OR3A2: variants seen among roughly 807,000 people sequenced by gnomAD.
The protein encoded by OR3A2 is olfactory receptor 3A2.
For missense variants in OR3A2, 318 were observed against 392.8 expected (o/e 0.81, Z 1.61); for synonymous variants, 126 against 159.3 (o/e 0.79, Z 1.57).
Position 3,306,687 on chromosome 17 carries a change from A to AAAAAAC in OR3A2, c.-84-27535_-84-27534insGTTTTT, listed in dbSNP as rs1567549161. On this transcript the variant is annotated intron_variant, in intron 3 of 4. Coordinates refer to the OR3A2 transcript ENST00000573491. ...TGTGCTCTACTACTCTTCAAAAAAA[A>AAAAAAC]AAAAAAAACCGTAACCCCTTTTATT... Among the ~76,000 whole-genome samples the AAAAAAC allele has an allele frequency of 3.3e-4, 49 of 149,308 alleles. No homozygotes were observed. The South Asian group carries it at 6.1e-3, about 18-fold the overall frequency.
In OR3A2 at chr17:3,331,469, C is replaced by T. The variant is rs567438697; in HGVS notation, c.-85+4564G>A. 4.5e-4 allele frequency among the ~76,000 whole-genome samples: 69 copies of T among 151,868 alleles called. No homozygotes were observed. The South Asian group carries it at 0.014, about 31-fold the overall frequency. ...TCTCACTTCATTTCATTCATTTCAT[C>T]TTCCATCGCTGATACCCTTTCTTCC... On this transcript the variant is annotated intron_variant, in intron 3 of 4. Coordinates refer to the OR3A2 transcript ENST00000573491.
At position 3,380,738 on chromosome 17, in the gene OR3A2, G is replaced by A. The variant is rs577830009; in HGVS notation, c.-179+3066C>T. ...GGCACACCATCAAGAGAAGAATCTG[G>A]GCTGGCCAAGGAGAGACTGGATTTA... On this transcript the variant is annotated intron_variant, in intron 2 of 4. Transcript: ENST00000573491. 1.5e-4 allele frequency among the ~76,000 whole-genome samples: 23 copies of A among 152,226 alleles called. No individual in the cohort carries two copies. The South Asian group carries it at 4.6e-3, about 30-fold the overall frequency.
chr17:3,310,627 T>A (rs775661266), intron 3 of OR3A2: 1 of 541,254 alleles, frequency 1.8e-6, no homozygotes, highest in Admixed American at 1.9e-5. Context: ...GAGCTCTTCT[T>A]CTTCCACCTC....
chr17:3,342,096 T>C (rs1047602246), intron 2 of OR3A2, among the ~76,000 whole-genome samples: 2 of 152,028 alleles, frequency 1.3e-5, no homozygotes, highest in African/African-American at 4.8e-5. Context: ...AGTTCTTGTG[T>C]CACGGTTTTC....
chr17:3,292,514 C>A (rs150014531), intron 3 of OR3A2: 1 of 1,613,762 alleles, frequency 6.2e-7, no homozygotes, highest in Non-Finnish European at 8.5e-7. Flanking sequence ...GCAGCCCTGG[C>A]GCCTCCAGCA....
intron 2 of OR3A2, among the ~76,000 whole-genome samples, chr17:3,339,527 A>G (rs1266707974): frequency 6.6e-6 from 1 of 152,198 alleles, no homozygotes; most frequent in Non-Finnish European, 1.5e-5. Context: ...ATCTATTGAG[A>G]AAATCATGTG....
At chr17:3,367,683 A>G (rs888447911) in intron 2 of OR3A2, among the ~76,000 whole-genome samples, 1 of 149,812 alleles carries the variant, frequency 6.7e-6, no homozygotes, top group Non-Finnish European at 1.5e-5. Context: ...TATTTTTGCA[A>G]TTGTGAATTG....
At chr17:3,299,740 T>C (rs1201834516) in intron 3 of OR3A2, among the ~76,000 whole-genome samples, 1 of 152,166 alleles carries the variant, frequency 6.6e-6, no homozygotes, top group Non-Finnish European at 1.5e-5. Flanking sequence ...CACACTTGCT[T>C]TTCCAGTGAC....
At chr17:3,291,913 C>A (rs142082644) in intron 3 of OR3A2, 1 of 1,614,158 alleles carries the variant, frequency 6.2e-7, no homozygotes, top group Admixed American at 1.7e-5. Flanking sequence ...GCAGCTGCCA[C>A]GTGGATATAG....
intron 3 of OR3A2, among the ~76,000 whole-genome samples, chr17:3,321,110 G>C (rs111355494): frequency 2.6e-5 from 4 of 152,000 alleles, no homozygotes; most frequent in Non-Finnish European, 5.9e-5. Flanking sequence ...TTGTAAGTTG[G>C]ATTCCTAGGT....
In OR3A2 at chr17:3,310,650, G is replaced by A. The variant is rs374236912; in HGVS notation, c.-85+25383C>T. ...CTTCTTCCACCTCCTGGCTGGGGCAGACTGCTTCTTGCTGACCATCATGGC... is the reference window on the plus strand; with the variant it reads ...CTTCTTCCACCTCCTGGCTGGGGCAAACTGCTTCTTGCTGACCATCATGGC... On this transcript the variant is annotated intron_variant, in intron 3 of 4. Coordinates refer to the OR3A2 transcript ENST00000573491. 38 of 542,780 alleles carry A rather than the reference G, an allele frequency of 7.0e-5. No individual in the cohort carries two copies. In the African/African-American group the frequency reaches 7.3e-4, roughly 10 times the overall value. The allele number at this position is 542,780 out of a possible 1,614,324, so 33.6% of individuals were successfully genotyped here.
intron 2 of OR3A2, among the ~76,000 whole-genome samples, chr17:3,359,584 G>C (rs2049492212): frequency 6.6e-6 from 1 of 151,662 alleles, no homozygotes; most frequent in Admixed American, 6.6e-5. Context: ...TTTTCTCTAA[G>C]AATGTTGATT....
intron 2 of OR3A2, among the ~76,000 whole-genome samples, chr17:3,363,755 G>A (rs2049539268): frequency 6.6e-6 from 1 of 152,214 alleles, no homozygotes; most frequent in African/African-American, 2.4e-5. Flanking sequence ...AGGTTTGGTT[G>A]ACTCATAGTT....
intron 3 of OR3A2, among the ~76,000 whole-genome samples, chr17:3,315,472 C>T (rs1260842979): frequency 6.6e-6 from 1 of 152,012 alleles, no homozygotes; most frequent in Non-Finnish European, 1.5e-5. Flanking sequence ...GTTTGTCGGC[C>T]ACTTGTATGT....
chr17:3,333,775 G>C (rs566421860), intron 3 of OR3A2, among the ~76,000 whole-genome samples: 5 of 152,234 alleles, frequency 3.3e-5, no homozygotes, highest in Admixed American at 3.3e-4. Context: ...AAACTAAAGA[G>C]CTTCTGCACA....
upstream of OR3A2, among the ~76,000 whole-genome samples, chr17:3,286,026 T>A (rs148713482): frequency 0.018 from 2,755 of 152,154 alleles, 88 homozygotes; most frequent in African/African-American, 0.062. Flanking sequence ...TCAACCTGTC[T>A]TCTACATTAG....
chr17:3,336,476 T>C (rs2049275251), intron 2 of OR3A2, among the ~76,000 whole-genome samples: 2 of 152,178 alleles, frequency 1.3e-5, no homozygotes, highest in Non-Finnish European at 2.9e-5. Flanking sequence ...TAACTAATGA[T>C]AGATACAAAT....
chr17:3,369,152 T>C (rs1272894028), intron 2 of OR3A2, among the ~76,000 whole-genome samples: 1 of 152,184 alleles, frequency 6.6e-6, no homozygotes, highest in Non-Finnish European at 1.5e-5. Flanking sequence ...TCTTTAGGGT[T>C]TTCTAGTTAT....
At chr17:3,312,316 G>A (rs563960823) in intron 3 of OR3A2, among the ~76,000 whole-genome samples, 7 of 152,212 alleles carry the variant, frequency 4.6e-5, no homozygotes, top group South Asian at 2.1e-4. Flanking sequence ...CGAGTGTTGG[G>A]TGTGATTTTT....
Sources: allele counts gnomAD v4.1 joint callset (sites outside exome capture counted in the v4.1 genomes callset), GRCh38; gene constraint gnomAD v4.1.1; transcripts MANE v1.5; gene names NCBI Gene and HGNC (gene_info 2026-07-23, HGNC 2026-07-21).